The following C12orf42 variants were observed in gnomAD, a reference collection of about 807,000 sequenced individuals.
C12orf42 encodes the protein chromosome 12 open reading frame 42.
C12orf42 carries 25 observed loss-of-function variants against 21.6 expected under a neutral mutation model. That is an observed-to-expected ratio of 1.16 (90% CI 0.84 to 1.62). C12orf42 has a LOEUF of 1.62. Among genes scored for constraint, C12orf42 ranks in the 40% most tolerant of loss-of-function variants. C12orf42 has a pLI of 0.00. For synonymous variants in C12orf42, 174 were observed against 175.0 expected, an observed-to-expected ratio of 0.99 and a Z score of 0.05; for missense variants, 483 against 459.3, an observed-to-expected ratio of 1.05 and a Z score of -0.47.
chr12:103,296,933 C>G (rs980034755), intron 4 of C12orf42, among the ~76,000 whole-genome samples: 1 of 152,112 alleles, frequency 6.6e-6, no homozygotes, highest in Non-Finnish European at 1.5e-5. Context: ...AAGTCCTTGC[C>G]CATGCCTATG....
chr12:103,357,222 A>T (rs566369750), intron 4 of C12orf42, among the ~76,000 whole-genome samples: 1 of 151,930 alleles, frequency 6.6e-6, no homozygotes, highest in Admixed American at 6.6e-5. Context: ...GGTGCAGCAC[A>T]CCAGCATGGC....
At chr12:103,521,844 G>C in the C12orf42 span, among the ~76,000 whole-genome samples, 2 of 152,124 alleles carry the variant, frequency 1.3e-5, no homozygotes, top group African/African-American at 4.8e-5. Flanking sequence ...GTTGCAGTTT[G>C]GTGCTGCCTG....
intron 2 of C12orf42, among the ~76,000 whole-genome samples, chr12:103,444,498 AC>A (rs1480599610): frequency 1.3e-5 from 2 of 152,164 alleles, no homozygotes; most frequent in African/African-American, 4.8e-5. Context: ...ACTTGGTAAA[AC>A]TTTTCAAGCA....
At chr12:103,444,781 G>C (rs1425493926) in intron 2 of C12orf42, among the ~76,000 whole-genome samples, 1 of 151,914 alleles carries the variant, frequency 6.6e-6, no homozygotes, top group East Asian at 1.9e-4. Flanking sequence ...TATGTTGACT[G>C]TCATACCTTC....
chr12:103,319,489 T>C (rs1378012482), intron 4 of C12orf42, among the ~76,000 whole-genome samples: 3 of 152,224 alleles, frequency 2.0e-5, no homozygotes, highest in Non-Finnish European at 2.9e-5. Context: ...TGAACAAGAA[T>C]ACCCATGCTG....
At chr12:103,183,149 T>C in the C12orf42 span, among the ~76,000 whole-genome samples, 2 of 152,258 alleles carry the variant, frequency 1.3e-5, no homozygotes, top group Non-Finnish European at 2.9e-5. Flanking sequence ...TGGCCCGTTC[T>C]CAGTTCACTG....
chr12:103,543,865 T>C, the C12orf42 span, among the ~76,000 whole-genome samples: 1 of 149,450 alleles, frequency 6.7e-6, no homozygotes, highest in African/African-American at 2.5e-5. Flanking sequence ...GTTGTTGTTG[T>C]TGTTTGGTTT....
the C12orf42 span, chr12:103,557,516 C>T: frequency 6.6e-6 from 1 of 152,342 alleles, no homozygotes; most frequent in Admixed American, 6.5e-5. Flanking sequence ...CCTACTCTGC[C>T]TGGGCCACAT....
At chr12:103,265,069 GT>G (rs758786839), downstream of C12orf42, among the ~76,000 whole-genome samples, 10 of 152,208 alleles carry the variant, frequency 6.6e-5, no homozygotes, top group Admixed American at 1.3e-4. Flanking sequence ...TCTCTTCTAG[GT>G]TGCAGACTGC....
intron 2 of C12orf42, chr12:103,478,114 T>C: frequency 2.5e-6 from 1 of 407,988 alleles, no homozygotes; most frequent in Non-Finnish European, 4.3e-6. Flanking sequence ...ATTTCTAAGT[T>C]TTCCTAGCAT....
chr12:103,304,407 T>C (rs2038060022), intron 5 of C12orf42, among the ~76,000 whole-genome samples: 2 of 151,956 alleles, frequency 1.3e-5, no homozygotes, highest in Admixed American at 1.3e-4. Flanking sequence ...AACCCTATGA[T>C]GAAAAATAAA....
At chr12:103,507,201 A>G in the C12orf42 span, among the ~76,000 whole-genome samples, 1 of 35,188 alleles carries the variant, frequency 2.8e-5, no homozygotes, top group Non-Finnish European at 4.0e-5. Flanking sequence ...ATATATATTT[A>G]TATTATATAT....
chr12:103,469,489 T>A (rs189656282), intron 2 of C12orf42, among the ~76,000 whole-genome samples: 1 of 152,372 alleles, frequency 6.6e-6, no homozygotes, highest in Admixed American at 6.5e-5. Context: ...TGTGTATGAA[T>A]ACTTTTTTAA....
At chr12:103,418,396 T>C (rs1261454469) in intron 2 of C12orf42, among the ~76,000 whole-genome samples, 1 of 152,110 alleles carries the variant, frequency 6.6e-6, no homozygotes, top group East Asian at 1.9e-4. Context: ...ATCAGAAGTA[T>C]GGAAGCATGG....
At chr12:103,473,149 C>T (rs1241786071) in intron 2 of C12orf42, among the ~76,000 whole-genome samples, 1 of 152,130 alleles carries the variant, frequency 6.6e-6, no homozygotes, top group Non-Finnish European at 1.5e-5. Flanking sequence ...AATTACAATG[C>T]CATTTCTTTG....
At chr12:103,271,290 C>T (rs1274367703) in intron 5 of C12orf42, among the ~76,000 whole-genome samples, 1 of 152,160 alleles carries the variant, frequency 6.6e-6, no homozygotes, top group Non-Finnish European at 1.5e-5. Context: ...ACAAACATAC[C>T]ACTATGAAAT....
the C12orf42 span, among the ~76,000 whole-genome samples, chr12:103,203,910 A>C: frequency 6.6e-6 from 1 of 152,190 alleles, no homozygotes; most frequent in Non-Finnish European, 1.5e-5. Context: ...GAAGAGCAGA[A>C]ATTTATTTTT....
chr12:103,437,580 C>G (rs1036357776), intron 2 of C12orf42, among the ~76,000 whole-genome samples: 25 of 152,080 alleles, frequency 1.6e-4, no homozygotes, highest in African/African-American at 5.8e-4. Flanking sequence ...GATATCACCA[C>G]CGATCCCACA....
chr12:103,211,362 G>A, the C12orf42 span, among the ~76,000 whole-genome samples: 1 of 152,138 alleles, frequency 6.6e-6, no homozygotes, highest in South Asian at 2.1e-4. Flanking sequence ...TCCAAAAACA[G>A]TCATGTTGGG....
Sources: allele counts gnomAD v4.1 joint callset (sites outside exome capture counted in the v4.1 genomes callset), GRCh38; gene constraint gnomAD v4.1.1; transcripts MANE v1.5; gene names NCBI Gene and HGNC (gene_info 2026-07-23, HGNC 2026-07-21).